The following SLC15A5 variants were observed in gnomAD, a reference collection of about 807,000 sequenced individuals.
SLC15A5 encodes the protein Peptide/histidine transporter ENSP00000340402.
In SLC15A5, 58 loss-of-function variants were observed where a neutral mutation model predicts 56.1. The ratio of observed to expected loss-of-function variants is 1.03; its 90% CI spans 0.84 to 1.29. The LOEUF is 1.29. Ranked by LOEUF, SLC15A5 falls within the 50% of genes most tolerant of loss-of-function variation. The pLI, the probability that SLC15A5 is intolerant of heterozygous loss-of-function variation, is 0.00. For missense variants in SLC15A5, 681 were observed against 672.1 expected (o/e 1.01, Z -0.15); for synonymous variants, 264 against 250.5 (o/e 1.05, Z -0.51).
intron 1 of SLC15A5, among the ~76,000 whole-genome samples, chr12:16,273,655 A>G (rs1209720344): frequency 1.3e-5 from 2 of 151,928 alleles, no homozygotes; most frequent in African/African-American, 4.8e-5. Context: ...CAGTGAGATT[A>G]AGTGGCTTGC....
chr12:16,246,561 T>G (rs1864463360), intron 3 of SLC15A5, among the ~76,000 whole-genome samples: 1 of 152,172 alleles, frequency 6.6e-6, no homozygotes, highest in African/African-American at 2.4e-5. Context: ...GGGTAGATAG[T>G]AGGGTTATTA....
chr12:16,211,202 C>T (rs891528469), intron 7 of SLC15A5, among the ~76,000 whole-genome samples: 1 of 152,152 alleles, frequency 6.6e-6, no homozygotes, highest in Non-Finnish European at 1.5e-5. Context: ...AGGTATGAGC[C>T]CATGAAATGC....
chr12:16,191,305 A>G (rs1863836258), intron 8 of SLC15A5, among the ~76,000 whole-genome samples: 1 of 152,034 alleles, frequency 6.6e-6, no homozygotes, highest in African/African-American at 2.4e-5. Context: ...TCAGACTAAT[A>G]TGAACTTGGC....
chr12:16,205,901 G>T (rs1318857141), intron 7 of SLC15A5, among the ~76,000 whole-genome samples: 1 of 152,086 alleles, frequency 6.6e-6, no homozygotes, highest in African/African-American at 2.4e-5. Context: ...TCAAAAGATA[G>T]TTGGAGACAG....
intron 2 of SLC15A5, among the ~76,000 whole-genome samples, chr12:16,264,661 C>T (rs1864675994): frequency 6.6e-6 from 1 of 152,136 alleles, no homozygotes; most frequent in South Asian, 2.1e-4. Context: ...GTGGGAGGGA[C>T]CAGGTGGGAG....
intron 7 of SLC15A5, among the ~76,000 whole-genome samples, chr12:16,208,725 G>A (rs1285879548): frequency 1.3e-5 from 2 of 151,982 alleles, no homozygotes; most frequent in Admixed American, 6.6e-5. Context: ...CACACCTAAG[G>A]TTTTAAATAC....
At chr12:16,200,427 G>A (rs752189315) in intron 7 of SLC15A5, among the ~76,000 whole-genome samples, 1 of 151,804 alleles carries the variant, frequency 6.6e-6, no homozygotes, top group African/African-American at 2.4e-5. Context: ...TGATATATAC[G>A]TAATTCTTAT....
In SLC15A5 at chr12:16,277,362, G is replaced by C. The variant is rs1030434294; in HGVS notation, c.324C>G (p.Asn108Lys). Reference protein sequence around the residue: ...RWLTDVYLGRNKLVYICLFLH... With the variant: ...RWLTDVYLGRKKLVYICLFLH... The stretch of plus-strand genomic sequence containing the variant: ...GAAACAAGCAAATGTACACCAGTTT[G>C]TTTCTTCCTAAATAGACATCAGTGA... Residue 108 changes from asparagine to lysine, a missense_variant, in exon 1 of 9, where the codon AAC (asparagine) becomes AAG (lysine). Physicochemically the swap from Asn to Lys is moderately conservative, Grantham distance 94. Coordinates refer to ENST00000344941, the MANE Select transcript of SLC15A5 (RefSeq NM_001170798.1). The C allele has an allele frequency of 6.5e-7, 1 of 1,535,232 alleles. No individual in the cohort carries two copies. The highest frequency in any genetic ancestry group is 2.0e-5 in the Admixed American group (1 of 50,900).
At chr12:16,264,519 T>A (rs1864674131) in intron 2 of SLC15A5, among the ~76,000 whole-genome samples, 1 of 152,186 alleles carries the variant, frequency 6.6e-6, no homozygotes, top group African/African-American at 2.4e-5. Flanking sequence ...TTTGGGGGAC[T>A]GTTGGGAAGG....
intron 7 of SLC15A5, among the ~76,000 whole-genome samples, chr12:16,201,942 G>C (rs1192084338): frequency 6.6e-6 from 1 of 152,062 alleles, no homozygotes; most frequent in Non-Finnish European, 1.5e-5. Flanking sequence ...ACTTATACCA[G>C]ATACGAACAA....
chr12:16,225,812 A>G (rs995319684), intron 5 of SLC15A5, among the ~76,000 whole-genome samples: 2 of 152,208 alleles, frequency 1.3e-5, no homozygotes, highest in African/African-American at 4.8e-5. Flanking sequence ...CAGGTGCTGG[A>G]CATTAGATGT....
intron 3 of SLC15A5, among the ~76,000 whole-genome samples, chr12:16,256,592 G>T (rs1288812740): frequency 1.3e-5 from 2 of 152,194 alleles, no homozygotes; most frequent in East Asian, 3.9e-4. Flanking sequence ...GGGCGTGGTG[G>T]CTCACGCCTG....
intron 7 of SLC15A5, among the ~76,000 whole-genome samples, chr12:16,199,803 G>C (rs1863934646): frequency 6.6e-6 from 1 of 152,048 alleles, no homozygotes; most frequent in African/African-American, 2.4e-5. Context: ...AGAAGTATTG[G>C]ATGCAGTGCA....
chr12:16,274,506 G>T lies in SLC15A5; in HGVS notation c.362-1723C>A, dbSNP rs551420339. ...CTTACAGATAAAAATTTGGTCTAAT[G>T]CTTCCATCTCCCCTACAGAGGCTTT... On this transcript the variant is annotated intron_variant, in intron 1 of 8. Transcript: ENST00000344941. Among the ~76,000 whole-genome samples the T allele has an allele frequency of 3.3e-5, 5 of 152,212 alleles. No individual in the cohort carries two copies. The Middle Eastern group carries it at 0.01, about 311-fold the overall frequency.
intron 7 of SLC15A5, among the ~76,000 whole-genome samples, chr12:16,212,432 AATAAT>A (rs1864092854): frequency 6.6e-6 from 1 of 152,126 alleles, no homozygotes; most frequent in South Asian, 2.1e-4. Context: ...ACTATAACCA[AATAAT>A]CTAAATGAAC....
chr12:16,272,214 G>C (rs749418827), intron 2 of SLC15A5, among the ~76,000 whole-genome samples: 1 of 152,140 alleles, frequency 6.6e-6, no homozygotes, highest in Non-Finnish European at 1.5e-5. Context: ...GAGAATAAAT[G>C]ACTAGGTCAA....
chr12:16,251,535 A>C (rs910232353), intron 3 of SLC15A5, among the ~76,000 whole-genome samples: 4 of 151,898 alleles, frequency 2.6e-5, no homozygotes, highest in African/African-American at 7.2e-5. Flanking sequence ...AGGATTATAG[A>C]GGAAGAATTG....
intron 7 of SLC15A5, among the ~76,000 whole-genome samples, chr12:16,202,752 G>A (rs1863970036): frequency 6.6e-6 from 1 of 152,066 alleles, no homozygotes. Context: ...TTAAAAAGTG[G>A]TATATATACA....
intron 2 of SLC15A5, among the ~76,000 whole-genome samples, chr12:16,261,884 A>T (rs1864646554): frequency 6.6e-6 from 1 of 152,174 alleles, no homozygotes; most frequent in Non-Finnish European, 1.5e-5. Flanking sequence ...TCTGGCTATA[A>T]GTCCTTTCTC....
Sources: gnomAD v4.1 joint callset for allele counts (sites outside exome capture counted in the v4.1 genomes callset) on GRCh38, gnomAD v4.1.1 for gene constraint, MANE v1.5 for transcripts, NCBI Gene and HGNC (gene_info 2026-07-23, HGNC 2026-07-21) for gene names.